The following COL23A1 variants were observed in gnomAD, a reference collection of about 807,000 sequenced individuals.
The protein encoded by COL23A1 is collagen type XXIII alpha 1 chain, also known as collagen alpha-1(XXIII) chain.
A neutral mutation model predicts 99.3 loss-of-function variants in COL23A1; 97 were observed. That is an observed-to-expected ratio of 0.98 (90% CI 0.83 to 1.16). COL23A1 has a LOEUF of 1.16. Among genes scored for constraint, COL23A1 ranks in the 50% most tolerant of loss-of-function variants. The probability of loss-of-function intolerance (pLI) is 0.00; values close to 1 mark genes in which losing one functional copy is unlikely to be tolerated. For synonymous variants in COL23A1, 320 were observed against 308.2 expected, an observed-to-expected ratio of 1.04 and a Z score of -0.40; for missense variants, 762 against 757.4, an observed-to-expected ratio of 1.01 and a Z score of -0.07.
At chr5:178,480,099 C>T (rs112665315) in intron 2 of COL23A1, among the ~76,000 whole-genome samples, 1 of 151,412 alleles carries the variant, frequency 6.6e-6, no homozygotes, top group Non-Finnish European at 1.5e-5. Context: ...TATATGTGGC[C>T]CACTGTTGAC....
At chr5:178,388,346 C>A (rs969462436) in intron 2 of COL23A1, among the ~76,000 whole-genome samples, 1 of 152,218 alleles carries the variant, frequency 6.6e-6, no homozygotes, top group Admixed American at 6.5e-5. Context: ...TACGTTCCCT[C>A]TTCTCAAAGG....
At position 178,366,448 on chromosome 5, in the gene COL23A1, C is replaced by T. The variant is rs1164565453; in HGVS notation, c.362-59529G>A. The stretch of plus-strand genomic sequence containing the variant: ...TCCCTGCATCCTCCTGGGCTGGTTC[C>T]AGTTTGGGGCCATCATCTCTTGTGC... On this transcript the variant is annotated intron_variant, in intron 2 of 28. Coordinates refer to ENST00000390654, the MANE Select transcript of COL23A1 (RefSeq NM_173465.4). This position sits in a 1 kb window ranked among gnomAD's most constrained non-coding sequence, Gnocchi z 4.4. 6.6e-6 allele frequency among the ~76,000 whole-genome samples: 1 copy of T among 152,206 alleles called. No individual in the cohort carries two copies. The highest frequency in any genetic ancestry group is 2.4e-5 in the African/African-American group (1 of 41,438).
At chr5:178,257,759 T>C (rs896590300) in intron 12 of COL23A1, among the ~76,000 whole-genome samples, 192 bp from the exon 13 acceptor site, 8 of 152,236 alleles carry the variant, frequency 5.3e-5, no homozygotes, top group Non-Finnish European at 1.0e-4. Context: ...GTGTGTCCCC[T>C]GTTCCCACCA....
intron 2 of COL23A1, among the ~76,000 whole-genome samples, chr5:178,542,644 C>G (rs922504409): frequency 6.7e-6 from 1 of 148,782 alleles, no homozygotes; most frequent in Non-Finnish European, 1.5e-5. Flanking sequence ...TCCAGGAAGG[C>G]AGGGAAGAAA....
At chr5:178,345,036 A>G in intron 2 of COL23A1, 1 of 581,778 alleles carries the variant, frequency 1.7e-6, no homozygotes, top group Non-Finnish European at 3.3e-6. Context: ...CCACCTGGAG[A>G]TCTCCAGAGT....
chr5:178,299,208 G>C (rs887067823), intron 3 of COL23A1, among the ~76,000 whole-genome samples: 2 of 152,164 alleles, frequency 1.3e-5, no homozygotes, highest in African/African-American at 4.8e-5. Flanking sequence ...ATTTTTTAAA[G>C]GGTTTGTGAA....
intron 21 of COL23A1, 95 bp downstream of exon 21, chr5:178,247,680 C>T (rs575583155): frequency 2.0e-5 from 31 of 1,547,970 alleles, no homozygotes; most frequent in Middle Eastern, 1.7e-4. Context: ...CGAAGAAGCC[C>T]GCTCTCTCCT....
chr5:178,443,335 A>G (rs1343608544), intron 2 of COL23A1, among the ~76,000 whole-genome samples: 1 of 152,218 alleles, frequency 6.6e-6, no homozygotes. Context: ...GACCAGACAC[A>G]CAAAGGCCAA....
intron 2 of COL23A1, among the ~76,000 whole-genome samples, chr5:178,496,435 T>C (rs1758204987): frequency 6.6e-6 from 1 of 152,176 alleles, no homozygotes; most frequent in Non-Finnish European, 1.5e-5. Flanking sequence ...CCACGCTCAC[T>C]TACTCATGTC....
chr5:178,445,040 AG>A (rs1767083189), intron 2 of COL23A1, among the ~76,000 whole-genome samples: 1 of 152,354 alleles, frequency 6.6e-6, no homozygotes, highest in Non-Finnish European at 1.5e-5. Context: ...GGCTAGTGCT[AG>A]TACCTAATAT....
intron 2 of COL23A1, among the ~76,000 whole-genome samples, chr5:178,529,683 C>T (rs947822391): frequency 3.3e-5 from 5 of 152,164 alleles, no homozygotes; most frequent in African/African-American, 1.2e-4. Flanking sequence ...AGACTGAAAG[C>T]AGGCACCGCT....
chr5:178,546,782 A>G lies in COL23A1; in HGVS notation c.361+13900T>C, dbSNP rs563678025. On this transcript the variant is annotated intron_variant, in intron 2 of 28. Transcript: ENST00000390654. ...TGACACCCGCTTCCATCAGCCCCAC[A>G]AGGACAGAAGGCAGCCTGAGGCAAC... Among the ~76,000 whole-genome samples, 13 of 152,256 alleles carry G rather than the reference A, an allele frequency of 8.5e-5. No homozygotes were observed. In the East Asian group the frequency reaches 2.5e-3, roughly 29 times the overall value.
chr5:178,546,646 C>T (rs955442672), intron 2 of COL23A1, among the ~76,000 whole-genome samples: 1 of 152,226 alleles, frequency 6.6e-6, no homozygotes, highest in African/African-American at 2.4e-5. Context: ...CAGAGTGGGA[C>T]TGGGATGAGG....
intron 3 of COL23A1, among the ~76,000 whole-genome samples, chr5:178,290,959 G>A (rs1398869433): frequency 6.6e-6 from 1 of 152,212 alleles, no homozygotes; most frequent in Non-Finnish European, 1.5e-5. Context: ...CTCACAGCTT[G>A]TGAAGCATGT....
At chr5:178,417,566 T>C (rs1365443117) in intron 2 of COL23A1, among the ~76,000 whole-genome samples, 1 of 152,066 alleles carries the variant, frequency 6.6e-6, no homozygotes, top group Non-Finnish European at 1.5e-5. Context: ...CAGCGAGATA[T>C]CATTATACAG....
At chr5:178,441,377 T>C (rs985584378) in intron 2 of COL23A1, among the ~76,000 whole-genome samples, 1 of 152,166 alleles carries the variant, frequency 6.6e-6, no homozygotes, top group African/African-American at 2.4e-5. Context: ...ACTAATAAAA[T>C]AATAATTCAA....
chr5:178,440,658 C>T (rs965538723), intron 2 of COL23A1, among the ~76,000 whole-genome samples: 20 of 150,406 alleles, frequency 1.3e-4, no homozygotes, highest in Admixed American at 4.0e-4. Flanking sequence ...TCTTGTTGCC[C>T]AGACTGGAGT....
rs1322460065 is a variant in COL23A1 at position 178,306,905 on chromosome 5, G to A, written c.376C>T (p.Arg126Cys). The change falls in exon 3 of 29, where the codon CGC (arginine) becomes TGC (cysteine). Residue 126 changes from arginine (R) to cysteine (C), a missense_variant. Arg to Cys is a radical substitution (Grantham distance 180, BLOSUM62 -3). Transcript: ENST00000390654. The surrounding 1 kb of genome is among the most constrained non-coding windows in gnomAD (Gnocchi z 4.1). ...TCGCCTCTTCTCCCAGGCTTGCCGC[G>A]CCGTCCAGGGGGCCCTAGACAGGAA... is the stretch of plus-strand genomic sequence containing the variant. ...CVCPPGPPGR[R>C]GKPGRRGDPG... The A allele has an allele frequency of 3.9e-6, 6 of 1,546,330 alleles. No homozygotes were observed. Among genetic ancestry groups the A allele is most frequent in the African/African-American group, 2.8e-5 (2 of 71,262 alleles).
intron 2 of COL23A1, among the ~76,000 whole-genome samples, chr5:178,424,565 G>C (rs1254427555): frequency 6.6e-6 from 1 of 152,182 alleles, no homozygotes; most frequent in South Asian, 2.1e-4. Flanking sequence ...CTAGGGCCAG[G>C]ACAAGACACA....
Sources: allele counts gnomAD v4.1 joint callset (sites outside exome capture counted in the v4.1 genomes callset), GRCh38; gene constraint gnomAD v4.1.1; non-coding constraint Gnocchi (gnomAD v3.1); transcripts MANE v1.5; gene names NCBI Gene and HGNC (gene_info 2026-07-23, HGNC 2026-07-21).